The following AK4 variants were observed in gnomAD, a reference collection of about 807,000 sequenced individuals.
The protein encoded by AK4 is adenylate kinase 4, mitochondrial.
AK4 carries 13 observed loss-of-function variants against 24.6 expected under a neutral mutation model. That is an observed-to-expected ratio of 0.53 (90% CI 0.34 to 0.84). AK4 has a LOEUF of 0.84. Ranked by LOEUF, AK4 falls within the 40% of genes least tolerant of loss-of-function variation. AK4 has a pLI of 0.01. For synonymous variants in AK4, 88 were observed against 107.0 expected, an observed-to-expected ratio of 0.82 and a Z score of 1.10; for missense variants, 192 against 288.2, an observed-to-expected ratio of 0.67 and a Z score of 2.42.
At chr1:65,217,984 TTAAC>T in intron 2 of AK4, among the ~76,000 whole-genome samples, 1 of 152,320 alleles carries the variant, frequency 6.6e-6, no homozygotes, top group East Asian at 1.9e-4. Context: ...GGTTTAATAA[TTAAC>T]ATATCCATCA....
intron 1 of AK4, among the ~76,000 whole-genome samples, chr1:65,155,007 T>C (rs1248118560): frequency 6.6e-6 from 1 of 151,538 alleles, no homozygotes; most frequent in Non-Finnish European, 1.5e-5. Context: ...CCCACCACCA[T>C]GCCCAGCTAA....
chr1:65,215,346 A>G (rs1652099952), intron 2 of AK4, among the ~76,000 whole-genome samples: 1 of 151,374 alleles, frequency 6.6e-6, no homozygotes, highest in Non-Finnish European at 1.5e-5. Flanking sequence ...TAATTTTTAT[A>G]TTTTTAGTAG....
chr1:65,224,618 A>C (rs561770603), intron 3 of AK4, 134 bp from the exon 4 acceptor site: 8 of 676,150 alleles, frequency 1.2e-5, no homozygotes, highest in Non-Finnish European at 1.9e-5. Flanking sequence ...TCTTAAAATT[A>C]CCACTGTCAC....
chr1:65,220,431 C>T (rs916642840), intron 3 of AK4, among the ~76,000 whole-genome samples: 4 of 152,120 alleles, frequency 2.6e-5, no homozygotes, highest in Admixed American at 2.6e-4. Flanking sequence ...GCTAGGTGAG[C>T]ATTATAGTTT....
intron 2 of AK4, among the ~76,000 whole-genome samples, chr1:65,196,723 C>T (rs1385410694): frequency 6.6e-6 from 1 of 152,144 alleles, no homozygotes; most frequent in East Asian, 1.9e-4. Context: ...GCCTCGGCTG[C>T]CCAAAGTGCT....
At chr1:65,180,374 T>C (rs1650858212) in intron 1 of AK4, among the ~76,000 whole-genome samples, 3 of 152,224 alleles carry the variant, frequency 2.0e-5, no homozygotes, top group South Asian at 4.1e-4. Context: ...TAGTTACCCA[T>C]AGCAAGTGTC....
chr1:65,219,227 TAAAAC>T (rs1185817887), intron 3 of AK4, among the ~76,000 whole-genome samples: 3 of 151,578 alleles, frequency 2.0e-5, no homozygotes, highest in Non-Finnish European at 4.4e-5. Context: ...ATTTAAAAAA[TAAAAC>T]TAAAAGTCTA....
At chr1:65,203,363 A>G (rs1041702702) in intron 2 of AK4, among the ~76,000 whole-genome samples, 3 of 152,180 alleles carry the variant, frequency 2.0e-5, no homozygotes, top group African/African-American at 4.8e-5. Flanking sequence ...TTAAGCTCCA[A>G]TAGAAATACC....
chr1:65,168,501 AG>A (rs1202292148), intron 1 of AK4, among the ~76,000 whole-genome samples: 2 of 152,002 alleles, frequency 1.3e-5, no homozygotes, highest in African/African-American at 2.4e-5. Flanking sequence ...TATGTTATCT[AG>A]GTGGGTCTTG....
chr1:65,209,846 C>T (rs1349550319), intron 2 of AK4, among the ~76,000 whole-genome samples: 2 of 151,998 alleles, frequency 1.3e-5, no homozygotes, highest in Non-Finnish European at 2.9e-5. Flanking sequence ...CTTGCTCTGT[C>T]ACCCAGGCTG....
chr1:65,207,694 C>T (rs1421839872), intron 2 of AK4, among the ~76,000 whole-genome samples: 3 of 152,026 alleles, frequency 2.0e-5, no homozygotes. Flanking sequence ...CAACCTGCAC[C>T]CTGGTCCTGG....
intron 1 of AK4, among the ~76,000 whole-genome samples, chr1:65,181,968 TGCAGTGGC>T: frequency 6.6e-6 from 1 of 152,230 alleles, no homozygotes; most frequent in South Asian, 2.1e-4. Flanking sequence ...CAGGCTGGAG[TGCAGTGGC>T]GCAGTCATAG....
intron 1 of AK4, among the ~76,000 whole-genome samples, chr1:65,158,528 C>T (rs148922321): frequency 2.4e-4 from 36 of 152,182 alleles, no homozygotes; most frequent in African/African-American, 6.7e-4. Context: ...TGAGGCGGAG[C>T]CTCAGTCTGT....
At chr1:65,150,020 A>G (rs1649712894) in intron 1 of AK4, among the ~76,000 whole-genome samples, 1 of 152,132 alleles carries the variant, frequency 6.6e-6, no homozygotes, top group Non-Finnish European at 1.5e-5. Context: ...GTGAGAAGAG[A>G]TGAGCCCATT....
chr1:65,153,430 C>T (rs571236235), intron 1 of AK4, among the ~76,000 whole-genome samples: 20 of 152,046 alleles, frequency 1.3e-4, no homozygotes, highest in South Asian at 4.2e-4. Flanking sequence ...CCACCATGCC[C>T]GGATAATTTC....
intron 1 of AK4, among the ~76,000 whole-genome samples, chr1:65,177,227 C>T (rs2101019741): frequency 9.8e-6 from 1 of 102,332 alleles, no homozygotes; most frequent in East Asian, 3.9e-4. Context: ...GTCTCTTTTT[C>T]CCTCAGAGAC....
At chr1:65,212,132 G>A (rs1238860413) in intron 2 of AK4, among the ~76,000 whole-genome samples, 1 of 152,194 alleles carries the variant, frequency 6.6e-6, no homozygotes, top group African/African-American at 2.4e-5. Context: ...CAGGGGCCCA[G>A]ATGGGTAGGC....
chr1:65,213,152 A>G lies in AK4; in HGVS notation c.266-5602A>G, dbSNP rs562984363. 3.9e-5 allele frequency among the ~76,000 whole-genome samples: 6 copies of G among 152,326 alleles called. No homozygotes were observed. In the East Asian group the frequency reaches 1.2e-3, roughly 29 times the overall value. On this transcript the variant is annotated intron_variant, in intron 2 of 4. Coordinates refer to ENST00000327299, the MANE Select transcript of AK4 (RefSeq NM_013410.4). ...CACGTGCACTAGTTCCTTGGAAGTT[A>G]TACCATGTTGCTACCTCAAGGTACA...
intron 1 of AK4, among the ~76,000 whole-genome samples, chr1:65,165,484 G>T (rs1650299595): frequency 6.6e-6 from 1 of 151,768 alleles, no homozygotes; most frequent in South Asian, 2.1e-4. Flanking sequence ...GGAGTTCAAG[G>T]CTGTAGTGCA....
Sources: allele counts gnomAD v4.1 joint callset (sites outside exome capture counted in the v4.1 genomes callset), GRCh38; gene constraint gnomAD v4.1.1; transcripts MANE v1.5; gene names NCBI Gene and HGNC (gene_info 2026-07-23, HGNC 2026-07-21).